Variants in DMD observed in about 807,000 individuals in gnomAD.
DMD encodes the protein mutant dystrophin.
In DMD, 63 loss-of-function variants were observed where a neutral mutation model predicts 330.1. The ratio of observed to expected loss-of-function variants is 0.19; its 90% CI spans 0.16 to 0.24. The LOEUF is 0.24. DMD is among the 10% of genes least tolerant of loss of function. The pLI, the probability that DMD is intolerant of heterozygous loss-of-function variation, is 1.00. For synonymous variants in DMD, 1,223 were observed against 959.8 expected (o/e 1.27, Z -5.07); for missense variants, 3,344 against 2,684.1 (o/e 1.25, Z -5.43).
intron 21 of DMD, among the ~76,000 whole-genome samples, chrX:32,479,388 C>G (rs2041587939): frequency 1.8e-5 from 2 of 111,278 alleles, no homozygotes; most frequent in Admixed American, 9.6e-5. Context: ...TTCCTCCAGT[C>G]TAACTGAAAC....
intron 11 of DMD, among the ~76,000 whole-genome samples, chrX:32,629,271 G>A (rs182011247): frequency 8.4e-4 from 94 of 111,592 alleles, no homozygotes; most frequent in African/African-American, 2.8e-3. Flanking sequence ...TACAATGACC[G>A]GCGTTGTCCC....
chrX:32,025,049 G>T (rs1251756997), intron 44 of DMD, among the ~76,000 whole-genome samples: 2 of 111,406 alleles, frequency 1.8e-5, no homozygotes, highest in Non-Finnish European at 3.8e-5. Flanking sequence ...CCTCATGTGT[G>T]TGTTTCTTTC....
chrX:31,844,311 T>TTG (rs1556936240), intron 48 of DMD, among the ~76,000 whole-genome samples: 1 of 109,047 alleles, frequency 9.2e-6, no homozygotes, highest in Non-Finnish European at 1.9e-5. Context: ...TTTTTTTTTT[T>TTG]TTGTTTACTT....
intron 21 of DMD, among the ~76,000 whole-genome samples, chrX:32,474,579 A>T (rs757386291): frequency 8.9e-6 from 1 of 111,891 alleles, no homozygotes; most frequent in South Asian, 3.7e-4. Context: ...GTGGTATCAC[A>T]TGGTGGTTTT....
At chrX:32,170,774 T>G (rs1043284242) in intron 44 of DMD, among the ~76,000 whole-genome samples, 54 of 110,555 alleles carry the variant, frequency 4.9e-4, no homozygotes, top group African/African-American at 1.6e-3. Flanking sequence ...CTCTACCAAA[T>G]GAATACCAGT....
intron 2 of DMD, among the ~76,000 whole-genome samples, chrX:32,967,109 G>C (rs1022652368): frequency 9.0e-6 from 1 of 111,726 alleles, no homozygotes; most frequent in African/African-American, 3.3e-5. Flanking sequence ...TCACTAACTG[G>C]TGATGTTATT....
At chrX:32,877,475 T>C (rs778437884) in intron 2 of DMD, among the ~76,000 whole-genome samples, 30 of 112,474 alleles carry the variant, frequency 2.7e-4, no homozygotes, top group Non-Finnish European at 4.9e-4. Context: ...CAATTAGAGA[T>C]GTTTCAAAAT....
intron 44 of DMD, among the ~76,000 whole-genome samples, chrX:32,093,994 G>A (rs748256223): frequency 1.8e-5 from 2 of 110,925 alleles, no homozygotes; most frequent in South Asian, 7.6e-4. Flanking sequence ...AATGTAAAAA[G>A]GAACCACAAT....
intron 30 of DMD, among the ~76,000 whole-genome samples, chrX:32,400,729 G>A (rs2098080603): frequency 9.2e-6 from 1 of 108,755 alleles, no homozygotes; most frequent in South Asian, 4.1e-4. Flanking sequence ...TTACACTGTT[G>A]GTGGGACTGT....
At chrX:32,571,484 C>T (rs2052413694) in intron 15 of DMD, among the ~76,000 whole-genome samples, 1 of 111,485 alleles carries the variant, frequency 9.0e-6, no homozygotes, top group South Asian at 3.8e-4. Context: ...ATCTTATCCT[C>T]TGCCTACTCC....
chrX:33,120,614 C>T (rs1269459743), intron 1 of DMD, among the ~76,000 whole-genome samples: 4 of 111,353 alleles, frequency 3.6e-5, no homozygotes, highest in Admixed American at 9.6e-5. Flanking sequence ...GGCACAGTGG[C>T]TCACGCCTGT....
chrX:32,426,244 G>A (rs112745596), intron 29 of DMD, among the ~76,000 whole-genome samples: 1,741 of 111,236 alleles, frequency 0.016, 14 homozygotes, highest in South Asian at 0.068. Context: ...ATCTGATAAA[G>A]GTTTAACATC....
chrX:33,124,045 T>C (rs1401267198), intron 1 of DMD, among the ~76,000 whole-genome samples: 1 of 109,623 alleles, frequency 9.1e-6, no homozygotes, highest in Non-Finnish European at 1.9e-5. Context: ...CGAATGCTTA[T>C]ATCCCAGTTA....
intron 16 of DMD, among the ~76,000 whole-genome samples, chrX:32,556,786 T>C (rs1395609429): frequency 8.9e-6 from 1 of 112,021 alleles, no homozygotes; most frequent in Admixed American, 9.5e-5. Context: ...TACATATTAT[T>C]GCCTTTGTAA....
intron 1 of DMD, among the ~76,000 whole-genome samples, chrX:33,294,450 G>T (rs2053556886): frequency 9.0e-6 from 1 of 111,153 alleles, no homozygotes; most frequent in African/African-American, 3.3e-5. Context: ...CCAACCTTCA[G>T]GACTGCAGTG....
chrX:31,393,305 G>A (rs1391771920), intron 60 of DMD, among the ~76,000 whole-genome samples: 46 of 109,366 alleles, frequency 4.2e-4, no homozygotes, highest in Admixed American at 3.6e-3. Context: ...GGTGAAACCC[G>A]GTCTCCACTA....
chrX:31,618,032 T>G (rs1398931535), intron 55 of DMD, among the ~76,000 whole-genome samples: 1 of 110,687 alleles, frequency 9.0e-6, no homozygotes, highest in Non-Finnish European at 1.9e-5. Context: ...TGAGTACATA[T>G]GAACACAAAG....
intron 60 of DMD, among the ~76,000 whole-genome samples, chrX:31,426,197 C>G (rs1205279087): frequency 9.0e-6 from 1 of 111,166 alleles, no homozygotes; most frequent in Non-Finnish European, 1.9e-5. Flanking sequence ...CACTGGAGTT[C>G]GTGTTAAAAA....
intron 9 of DMD, among the ~76,000 whole-genome samples, chrX:32,665,802 C>T (rs193145340): frequency 8.9e-6 from 1 of 112,284 alleles, no homozygotes; most frequent in Admixed American, 9.4e-5. Context: ...GTCTAATACA[C>T]TCAGCGTTGT....
Sources: allele counts gnomAD v4.1 joint callset (sites outside exome capture counted in the v4.1 genomes callset), GRCh38; gene constraint gnomAD v4.1.1; transcripts MANE v1.5; gene names NCBI Gene and HGNC (gene_info 2026-07-23, HGNC 2026-07-21).